Variants in RAB33A observed in about 807,000 individuals in gnomAD.
The protein encoded by RAB33A is ras-related protein Rab-33A.
Under a neutral mutation model 12.0 loss-of-function variants are expected in RAB33A, and 6 were observed. The ratio of observed to expected loss-of-function variants is 0.50; its 90% CI spans 0.27 to 0.99. The LOEUF (loss-of-function observed/expected upper bound fraction) is 0.99. Among genes scored for constraint, RAB33A ranks in the 50% least tolerant of loss-of-function variants. RAB33A has a pLI of 0.11. For synonymous variants in RAB33A, 70 were observed against 82.4 expected, an observed-to-expected ratio of 0.85 and a Z score of 0.81; for missense variants, 109 against 192.0, an observed-to-expected ratio of 0.57 and a Z score of 2.55.
the RAB33A span, among the ~76,000 whole-genome samples, chrX:130,138,341 T>C: frequency 1.9e-3 from 215 of 110,731 alleles, no homozygotes; most frequent in African/African-American, 6.8e-3. Context: ...TACAGGCGCC[T>C]GTAGTCCCAG....
chrX:130,183,005 A>G (rs2124688435), intron 1 of RAB33A, among the ~76,000 whole-genome samples: 1 of 108,359 alleles, frequency 9.2e-6, no homozygotes, highest in South Asian at 4.4e-4. Flanking sequence ...CCCGGGTTCA[A>G]GCAATTCTTG....
the RAB33A span, chrX:130,147,986 A>G: frequency 2.0e-6 from 2 of 988,243 alleles, no homozygotes; most frequent in Middle Eastern, 2.6e-4. Flanking sequence ...ACATAAAGCT[A>G]GCAAAACATA....
chrX:130,139,968 A>C, the RAB33A span: 1 of 750,294 alleles, frequency 1.3e-6, no homozygotes. Flanking sequence ...CTCTTCACTT[A>C]GCACCATGGC....
chrX:130,155,273 A>G, the RAB33A span: 3 of 1,208,954 alleles, frequency 2.5e-6, no homozygotes, highest in African/African-American at 3.5e-5. Flanking sequence ...ATCCTAGGTG[A>G]TGAGACTGCA....
upstream of RAB33A, among the ~76,000 whole-genome samples, chrX:130,169,207 C>CA (rs150861385): frequency 6.4e-3 from 428 of 67,398 alleles, 1 homozygote; most frequent in Middle Eastern, 0.025. Flanking sequence ...GACTCCATCT[C>CA]AAAAAAAAAA....
At chrX:130,127,727 T>G in the RAB33A span, among the ~76,000 whole-genome samples, 1 of 90,437 alleles carries the variant, frequency 1.1e-5, no homozygotes, top group East Asian at 3.2e-4. Flanking sequence ...TATTGCTGTG[T>G]TGCCCAGGCT....
chrX:130,168,106 G>C (rs2031562645), upstream of RAB33A, among the ~76,000 whole-genome samples: 1 of 110,083 alleles, frequency 9.1e-6, no homozygotes, highest in African/African-American at 3.3e-5. Flanking sequence ...GAGCCTAGGA[G>C]ATCGAGACTG....
the RAB33A span, among the ~76,000 whole-genome samples, chrX:130,148,434 G>A: frequency 8.9e-6 from 1 of 112,004 alleles, no homozygotes; most frequent in Non-Finnish European, 1.9e-5. Flanking sequence ...AAATGGAAGT[G>A]ATGGCTAGGG....
chrX:130,170,228 G>T (rs752044394), upstream of RAB33A, among the ~76,000 whole-genome samples: 7 of 112,534 alleles, frequency 6.2e-5, no homozygotes, highest in African/African-American at 2.3e-4. Flanking sequence ...TAACTTGGAC[G>T]TCCTTGAGTA....
chrX:130,161,590 C>T, the RAB33A span, among the ~76,000 whole-genome samples: 1 of 107,078 alleles, frequency 9.3e-6, no homozygotes. Context: ...TACAAGGGAT[C>T]CAACAACTAT....
chrX:130,161,332 G>A, the RAB33A span, among the ~76,000 whole-genome samples: 1 of 109,377 alleles, frequency 9.1e-6, no homozygotes, highest in African/African-American at 3.3e-5. Flanking sequence ...CCAATACAGT[G>A]AAACCCCGTC....
chrX:130,147,747 C>G, the RAB33A span: 1 of 1,212,000 alleles, frequency 8.3e-7, no homozygotes, highest in South Asian at 1.8e-5. Flanking sequence ...AAACATGCAC[C>G]TTACCCTGGC....
chrX:130,114,736 C>T, the RAB33A span, among the ~76,000 whole-genome samples: 1 of 112,252 alleles, frequency 8.9e-6, no homozygotes, highest in Non-Finnish European at 1.9e-5. Context: ...CATGTAGTTC[C>T]ACCTCCCTAC....
chrX:130,184,622 C>T lies in RAB33A; in HGVS notation c.596C>T (p.Ala199Val), dbSNP rs908728878. The change falls in exon 2 of 2, where the codon GCT becomes GTT. Residue 199 changes from alanine (A) to valine (V), a missense_variant. Transcript: ENST00000257017. ...QNVESIFMCL[A>V]CRLKAQKSLL... ...GTGGAGTCGATTTTCATGTGCTTGGCTTGCCGATTGAAGGCCCAGAAATCC... is the reference window on the plus strand; with the variant it reads ...GTGGAGTCGATTTTCATGTGCTTGGTTTGCCGATTGAAGGCCCAGAAATCC... 2.5e-6 allele frequency: 3 copies of T among 1,211,698 alleles called. No homozygotes were observed. Among genetic ancestry groups the T allele is most frequent in the Non-Finnish European group, 3.4e-6 (3 of 895,490 alleles).
At chrX:130,158,704 TAAAAAA>T in the RAB33A span, among the ~76,000 whole-genome samples, 6 of 44,066 alleles carry the variant, frequency 1.4e-4, no homozygotes, top group Admixed American at 3.1e-4. Context: ...GCTGATGAGC[TAAAAAA>T]AAAAAAAAAA....
At chrX:130,142,807 G>A in the RAB33A span, among the ~76,000 whole-genome samples, 2 of 110,720 alleles carry the variant, frequency 1.8e-5, no homozygotes, top group Non-Finnish European at 3.8e-5. Flanking sequence ...CACCACACCT[G>A]GCTAATTTTT....
At chrX:130,121,173 T>C in the RAB33A span, among the ~76,000 whole-genome samples, 1 of 111,930 alleles carries the variant, frequency 8.9e-6, no homozygotes, top group Non-Finnish European at 1.9e-5. Flanking sequence ...CGCTGACTCA[T>C]GAGAATGAGA....
chrX:130,163,801 A>G, the RAB33A span, among the ~76,000 whole-genome samples: 6 of 111,729 alleles, frequency 5.4e-5, no homozygotes, highest in Non-Finnish European at 9.4e-5. Flanking sequence ...AATGCTGGTA[A>G]AAGTTGTGAG....
intron 1 of RAB33A, among the ~76,000 whole-genome samples, chrX:130,182,998 G>A (rs34923017): frequency 0.48 from 51,410 of 106,629 alleles, 9,813 homozygotes; most frequent in African/African-American, 0.67. Context: ...ACCGCCTCCC[G>A]GGTTCAAGCA....
Sources: allele counts gnomAD v4.1 joint callset (sites outside exome capture counted in the v4.1 genomes callset), GRCh38; gene constraint gnomAD v4.1.1; transcripts MANE v1.5; gene names NCBI Gene and HGNC (gene_info 2026-07-23, HGNC 2026-07-21).